Variants in ADAMTS6 observed in about 807,000 individuals in gnomAD.
The protein encoded by ADAMTS6 is ADAM metallopeptidase with thrombospondin type 1 motif 6.
In ADAMTS6, 23 loss-of-function variants were observed where a neutral mutation model predicts 144.3. The ratio of observed to expected loss-of-function variants is 0.16; its 90% confidence interval spans 0.11 to 0.23. The LOEUF is 0.23. Among genes scored for constraint, ADAMTS6 ranks in the 10% least tolerant of loss-of-function variants. The probability of loss-of-function intolerance (pLI) is 1.00; values close to 1 mark genes in which losing one functional copy is unlikely to be tolerated. For synonymous variants in ADAMTS6, 444 were observed against 457.5 expected, an observed-to-expected ratio of 0.97 and a Z score of 0.38; for missense variants, 999 against 1,379.6, an observed-to-expected ratio of 0.72 and a Z score of 4.37.
chr5:65,326,855 A>C (rs1461059877), intron 9 of ADAMTS6, among the ~76,000 whole-genome samples: 1 of 152,184 alleles, frequency 6.6e-6, no homozygotes, highest in Non-Finnish European at 1.5e-5. Flanking sequence ...TAAGATCTTA[A>C]AAGAAAGTAA....
chr5:65,317,658 A>G (rs1031442481), intron 9 of ADAMTS6, among the ~76,000 whole-genome samples: 2 of 152,214 alleles, frequency 1.3e-5, no homozygotes, highest in African/African-American at 4.8e-5. Flanking sequence ...CAAACTATCC[A>G]TCTGACAAAG....
intron 11 of ADAMTS6, among the ~76,000 whole-genome samples, chr5:65,282,769 AG>A (rs1763083539): frequency 6.6e-6 from 1 of 151,996 alleles, no homozygotes; most frequent in Non-Finnish European, 1.5e-5. Flanking sequence ...CCTTCCAAAG[AG>A]AGGACGGTAT....
At chr5:65,175,332 AAG>A (rs933105765) in intron 22 of ADAMTS6, among the ~76,000 whole-genome samples, 1 of 152,040 alleles carries the variant, frequency 6.6e-6, no homozygotes. Context: ...CAAAGTCAAA[AAG>A]AGAGAGACAG....
At chr5:65,256,155 T>A (rs1266862041) in intron 14 of ADAMTS6, among the ~76,000 whole-genome samples, 2 of 152,222 alleles carry the variant, frequency 1.3e-5, no homozygotes, top group African/African-American at 4.8e-5. Flanking sequence ...ACCAGCCACA[T>A]GGGGCTGTTC....
intron 7 of ADAMTS6, among the ~76,000 whole-genome samples, chr5:65,352,724 T>C (rs909653278): frequency 1.3e-5 from 2 of 152,116 alleles, no homozygotes; most frequent in Non-Finnish European, 2.9e-5. Flanking sequence ...TCATCTCTCA[T>C]AATCCAGTTG....
At chr5:65,414,062 C>T (rs1755290007) in intron 7 of ADAMTS6, among the ~76,000 whole-genome samples, 1 of 152,086 alleles carries the variant, frequency 6.6e-6, no homozygotes, top group African/African-American at 2.4e-5. Context: ...AAGTGCCCTC[C>T]CTATATCCAG....
At chr5:65,361,572 A>G (rs957232467) in intron 7 of ADAMTS6, among the ~76,000 whole-genome samples, 3 of 152,208 alleles carry the variant, frequency 2.0e-5, no homozygotes, top group Admixed American at 2.0e-4. Context: ...ATGAGGGACT[A>G]GGAGGTGCCA....
At chr5:65,171,173 CT>C (rs112016922) in intron 23 of ADAMTS6, among the ~76,000 whole-genome samples, 275 of 152,172 alleles carry the variant, frequency 1.8e-3, no homozygotes, top group African/African-American at 6.2e-3. Context: ...CCACATCCGG[CT>C]AATTTTTTGT....
chr5:65,392,802 G>C (rs941778476), intron 7 of ADAMTS6, among the ~76,000 whole-genome samples: 1 of 152,184 alleles, frequency 6.6e-6, no homozygotes, highest in East Asian at 1.9e-4. Flanking sequence ...AAATCTCTTC[G>C]ATTGTTTAAG....
At chr5:65,290,535 A>C (rs1742196029) in intron 11 of ADAMTS6, among the ~76,000 whole-genome samples, 1 of 151,088 alleles carries the variant, frequency 6.6e-6, no homozygotes, top group South Asian at 2.1e-4. Flanking sequence ...TGGGCGACAG[A>C]GCGAGACTCT....
At chr5:65,460,622 T>C (rs571202604) in intron 3 of ADAMTS6, among the ~76,000 whole-genome samples, 1 of 152,362 alleles carries the variant, frequency 6.6e-6, no homozygotes, top group East Asian at 1.9e-4. Context: ...TAACAGATTT[T>C]ATGTGAACAC....
chr5:65,155,460 G>T (rs1344214843), intron 24 of ADAMTS6, among the ~76,000 whole-genome samples: 3 of 152,110 alleles, frequency 2.0e-5, no homozygotes, highest in Non-Finnish European at 4.4e-5. Context: ...AATATTGTAG[G>T]CAGTTGGAAC....
chr5:65,205,510 T>A (rs1756027864), intron 20 of ADAMTS6, among the ~76,000 whole-genome samples: 1 of 152,204 alleles, frequency 6.6e-6, no homozygotes, highest in Non-Finnish European at 1.5e-5. Flanking sequence ...AATTACTTTT[T>A]TAAATAATTT....
Position 65,471,073 on chromosome 5 carries a change from A to G in ADAMTS6, c.167T>C (p.Phe56Ser). 6.2e-7 allele frequency: 1 copy of G among 1,611,014 alleles called. No individual in the cohort carries two copies. The highest frequency in any genetic ancestry group is 8.5e-7 in the Non-Finnish European group (1 of 1,178,920). The change falls in exon 3 of 25, where the codon TTT becomes TCT. Residue 56 changes from phenylalanine (F) to serine (S), a missense_variant. By Grantham distance (155) the Phe-to-Ser change is radical (BLOSUM62 -2). Around this residue, in one of 3 missense-constraint regions of ADAMTS6, gnomAD observed 252 missense variants for 293.7 expected, o/e 0.86. Coordinates refer to ENST00000381055, the MANE Select transcript of ADAMTS6 (RefSeq NM_197941.4). ...IPIRVDQNGA[F>S]LSFTVKNDKH... ...ATCATTTTTCACAGTAAAGCTGAGA[A>G]ATGCTCCATTTTGATCAACCCTTAT...
intron 7 of ADAMTS6, among the ~76,000 whole-genome samples, chr5:65,446,809 G>A (rs1257099459): frequency 6.6e-6 from 1 of 152,124 alleles, no homozygotes; most frequent in Admixed American, 6.5e-5. Context: ...GGTAGGAGTG[G>A]GGACTGAGGG....
chr5:65,369,064 T>A (rs1750580725), intron 7 of ADAMTS6, among the ~76,000 whole-genome samples: 1 of 151,470 alleles, frequency 6.6e-6, no homozygotes, highest in South Asian at 2.1e-4. Context: ...TACAAAAAAT[T>A]TAAAAACTAG....
At chr5:65,465,732 T>C (rs1759945308) in intron 3 of ADAMTS6, among the ~76,000 whole-genome samples, 1 of 152,206 alleles carries the variant, frequency 6.6e-6, no homozygotes, top group Non-Finnish European at 1.5e-5. Flanking sequence ...AGCAGCACTT[T>C]CCTCTTGAAA....
intron 7 of ADAMTS6, among the ~76,000 whole-genome samples, chr5:65,409,152 A>C (rs1043241316): frequency 1.3e-5 from 2 of 152,240 alleles, no homozygotes; most frequent in African/African-American, 4.8e-5. Context: ...CTAAGATCAG[A>C]GCAGAACTGA....
At chr5:65,460,923 T>C (rs1759599269) in intron 3 of ADAMTS6, among the ~76,000 whole-genome samples, 1 of 152,166 alleles carries the variant, frequency 6.6e-6, no homozygotes, top group Admixed American at 6.5e-5. Flanking sequence ...GAAATAAGCT[T>C]CTATTGTGAC....
Sources: allele counts gnomAD v4.1 joint callset (sites outside exome capture counted in the v4.1 genomes callset), GRCh38; gene constraint gnomAD v4.1.1; regional missense constraint gnomAD v4.1.1; transcripts MANE v1.5; gene names NCBI Gene and HGNC (gene_info 2026-07-23, HGNC 2026-07-21).